Variants in MTG1 observed in about 807,000 individuals in gnomAD.
MTG1 encodes mitochondrial ribosome associated GTPase 1.
MTG1 carries 30 observed loss-of-function variants against 39.5 expected under a neutral mutation model. The ratio of observed to expected loss-of-function variants is 0.76; its 90% confidence interval spans 0.57 to 1.03. The LOEUF is 1.03. MTG1 is among the 50% of genes least tolerant of loss of function. MTG1 has a pLI of 0.00. For synonymous variants in MTG1, 217 were observed against 179.0 expected, an observed-to-expected ratio of 1.21 and a Z score of -1.69; for missense variants, 513 against 447.4, an observed-to-expected ratio of 1.15 and a Z score of -1.32.
chr10:133,419,536 A>C lies in MTG1; in HGVS notation c.809A>C (p.Lys270Thr), dbSNP rs1468530200. ...TGTGACAACGTAGAGCGCGTGCTGA[A>C]GAGTGTGGCTGTGAAGCTGGGGAAG... ...SACDNVERVL[K>T]SVAVKLGKTQ... The change falls in exon 10 of 11, where the codon AAG (lysine) becomes ACG (threonine). Residue 270 changes from lysine to threonine, a missense_variant. Lys to Thr is a moderately conservative substitution (Grantham distance 78). Transcript: ENST00000317502. The C allele has an allele frequency of 2.5e-6, 4 of 1,610,750 alleles. No homozygotes were observed. The highest frequency in any genetic ancestry group is 3.4e-6 in the Non-Finnish European group (4 of 1,178,766).
intron 9 of MTG1, among the ~76,000 whole-genome samples, chr10:133,417,404 A>G (rs1489969646): frequency 2.0e-5 from 3 of 150,052 alleles, no homozygotes; most frequent in African/African-American, 4.9e-5. Context: ...ATCTATGACA[A>G]ACCCACAGCC....
intron 9 of MTG1, among the ~76,000 whole-genome samples, chr10:133,411,921 G>A (rs1279352934): frequency 1.3e-5 from 2 of 151,668 alleles, no homozygotes; most frequent in African/African-American, 2.4e-5. Context: ...GCGCTTACAC[G>A]TTGCCATCTC....
chr10:133,396,117 G>T (rs757404944), intron 2 of MTG1, 46 bp from the exon 3 acceptor site: 13 of 1,580,232 alleles, frequency 8.2e-6, no homozygotes, highest in Non-Finnish European at 1.0e-5. Context: ...AAAAAAGTTG[G>T]TTGGCTGGTA....
Position 133,395,775 on chromosome 10 carries a change from C to A in MTG1, c.175C>A (p.Arg59=). 3 of 1,613,938 alleles carry A rather than the reference C, an allele frequency of 1.9e-6. No individual in the cohort carries two copies. Among genetic ancestry groups the A allele is most frequent in the Non-Finnish European group, 2.5e-6 (3 of 1,179,896 alleles). ...VDCIIEVHDA[R]IPLSGRNPLF... ...CTGTATCATCGAGGTCCACGATGCC[C>A]GGATATCCTTTCACAGAGCAGGGGA... Residue 59 remains arginine (R), a splice_region_variant and synonymous_variant, in exon 2 of 11, where the codon CGG becomes AGG. Transcript: ENST00000317502.
intron 5 of MTG1, 81 bp from the exon 6 acceptor site, chr10:133,399,448 C>T: frequency 2.1e-6 from 3 of 1,429,610 alleles, no homozygotes; most frequent in Non-Finnish European, 2.9e-6. Flanking sequence ...GGCCTGGGGT[C>T]CCCTTGCCTG....
chr10:133,415,929 C>T (rs1473349374), intron 9 of MTG1, among the ~76,000 whole-genome samples: 2 of 104,908 alleles, frequency 1.9e-5, no homozygotes, highest in Non-Finnish European at 4.1e-5. Context: ...ACAGGTATCA[C>T]GTGGGTATCA....
At chr10:133,413,936 T>A (rs1240987998) in intron 9 of MTG1, among the ~76,000 whole-genome samples, 1 of 149,932 alleles carries the variant, frequency 6.7e-6, no homozygotes, top group East Asian at 1.9e-4. Flanking sequence ...TTTTTTTTTA[T>A]TGATCATTCT....
chr10:133,401,069 C>T (rs1849867858), intron 6 of MTG1, among the ~76,000 whole-genome samples: 2 of 152,218 alleles, frequency 1.3e-5, no homozygotes, highest in South Asian at 4.1e-4. Flanking sequence ...TGAGCTGGGT[C>T]CTAGAGCAGC....
At position 133,394,189 on chromosome 10, in the gene MTG1, G is replaced by A. The variant is rs1282114157; in HGVS notation, c.-32G>A. The A allele has an allele frequency of 4.0e-6, 6 of 1,483,886 alleles. No homozygotes were observed. The Admixed American group carries it at 6.2e-5, about 15-fold the overall frequency. 91.9% of individuals were successfully genotyped at this position (1,483,886 alleles called of 1,614,324 possible). ...GGTCGCAGCGGCGCAGAGGAGGTCAGCTGCGGGAGCGTTTCCGGGGACGGT... is the reference window on the plus strand; with the variant it reads ...GGTCGCAGCGGCGCAGAGGAGGTCAACTGCGGGAGCGTTTCCGGGGACGGT... On this transcript the variant is annotated 5_prime_UTR_variant, in exon 1 of 11. Transcript: ENST00000317502.
Position 133,419,498 on chromosome 10 carries a change from C to A in MTG1, c.771C>A (p.Gly257=). The part of the protein sequence containing the change: ...HQRFGYVQHY[G]LGSACDNVER... ...TGTGCAGGTACGTGCAGCACTACGG[C>A]CTGGGCAGTGCCTGTGACAACGTAG... The change falls in exon 10 of 11, where the codon GGC becomes GGA. Residue 257 remains glycine, a synonymous_variant. Transcript: ENST00000317502. The A allele has an allele frequency of 6.2e-7, 1 of 1,603,790 alleles. No individual in the cohort carries two copies. Among genetic ancestry groups the A allele is most frequent in the Non-Finnish European group, 8.5e-7 (1 of 1,175,648 alleles).
chr10:133,411,085 T>C (rs28850386), intron 9 of MTG1, among the ~76,000 whole-genome samples: 7,356 of 152,304 alleles, frequency 0.048, 341 homozygotes, highest in African/African-American at 0.12. Flanking sequence ...GTTTTCTTTT[T>C]GTACATTAGT....
At chr10:133,418,201 A>G (rs1850164918) in intron 9 of MTG1, among the ~76,000 whole-genome samples, 2 of 152,154 alleles carry the variant, frequency 1.3e-5, no homozygotes, top group South Asian at 2.1e-4. Context: ...ACAGGGTTTC[A>G]CCATATTGGT....
chr10:133,404,222 G>T (rs139940360), intron 9 of MTG1, among the ~76,000 whole-genome samples: 47 of 146,886 alleles, frequency 3.2e-4, no homozygotes, highest in African/African-American at 1.1e-3. Context: ...GACCTCCTGG[G>T]CTCAAGCGAT....
At chr10:133,395,116 C>A (rs1849761246) in intron 1 of MTG1, among the ~76,000 whole-genome samples, 1 of 152,196 alleles carries the variant, frequency 6.6e-6, no homozygotes, top group Non-Finnish European at 1.5e-5. Context: ...CGTGGAAGGG[C>A]CCGGCCCGGT....
chr10:133,396,327 G>A (rs997687474), intron 3 of MTG1, 60 bp downstream of exon 3: 1 of 1,443,196 alleles, frequency 6.9e-7, no homozygotes, highest in Non-Finnish European at 9.7e-7. Context: ...GAGGTCGCTT[G>A]TTCTAACGGA....
At chr10:133,416,192 T>C (rs1290780385) in intron 9 of MTG1, among the ~76,000 whole-genome samples, 1 of 152,048 alleles carries the variant, frequency 6.6e-6, no homozygotes, top group Non-Finnish European at 1.5e-5. Flanking sequence ...CTCAGTAGTT[T>C]TCATAGTTTT....
chr10:133,395,235 A>C (rs1392911795), intron 1 of MTG1, among the ~76,000 whole-genome samples: 1 of 152,100 alleles, frequency 6.6e-6, no homozygotes, highest in African/African-American at 2.4e-5. Context: ...CTCTACTAAA[A>C]ATACAAAAAA....
Position 133,395,912 on chromosome 10 carries a change from G to A in MTG1, c.177+135G>A, listed in dbSNP as rs527609782. 7 of 938,072 alleles carry A rather than the reference G, an allele frequency of 7.5e-6. No individual in the cohort carries two copies. In the South Asian group the frequency reaches 8.6e-5, roughly 12 times the overall value. The allele number at this position is 938,072 out of a possible 1,614,324, so 58.1% of individuals were successfully genotyped here. A position where few individuals can be genotyped will look rare whatever the true frequency, so the allele number is the denominator to read the frequency against. On this transcript the variant is annotated intron_variant, in intron 2 of 10. Transcript: ENST00000317502. Reference sequence around the variant, plus strand: ...AGTTAATCAGAATCTGTGATGTGGGGTCCAGACTGCGTGTCTTTGAAACTT... The same window carrying A: ...AGTTAATCAGAATCTGTGATGTGGGATCCAGACTGCGTGTCTTTGAAACTT...
intron 10 of MTG1, among the ~76,000 whole-genome samples, 196 bp downstream of exon 10, chr10:133,419,788 G>A (rs1304754988): frequency 1.3e-5 from 2 of 152,186 alleles, no homozygotes; most frequent in African/African-American, 4.8e-5. Context: ...TTCCGAGGGT[G>A]AGACCAGCCC....
Sources: allele counts gnomAD v4.1 joint callset (sites outside exome capture counted in the v4.1 genomes callset), GRCh38; gene constraint gnomAD v4.1.1; transcripts MANE v1.5; gene names NCBI Gene and HGNC (gene_info 2026-07-23, HGNC 2026-07-21).